Variants in LDLRAD3 observed in about 807,000 individuals in gnomAD.
The protein encoded by LDLRAD3 is low-density lipoprotein receptor class A domain-containing protein 3.
Under a neutral mutation model 29.4 loss-of-function variants are expected in LDLRAD3, and 20 were observed. That is an observed-to-expected ratio of 0.68 (90% CI 0.48 to 0.99). The LOEUF is 0.99. LDLRAD3 is among the 50% of genes least tolerant of loss of function. The pLI is 0.00. For missense variants in LDLRAD3, 420 were observed against 454.3 expected, an observed-to-expected ratio of 0.92 and a Z score of 0.69; for synonymous variants, 157 against 192.7, an observed-to-expected ratio of 0.81 and a Z score of 1.53.
rs543540872 is a variant in LDLRAD3, at chr11:35,963,090, G to A, written c.46+18946G>A. Among the ~76,000 whole-genome samples the A allele has an allele frequency of 1.3e-3, 192 of 152,298 alleles. 1 individual carries two copies. Among genetic ancestry groups the A allele is most frequent in the Admixed American group, 2.8e-3 (43 of 15,298 alleles). ...GGGAGGAAGGCCAGGCCACAAGGAC[G>A]ATGGATTTAAATGCCATTTTATTAA... On this transcript the variant is annotated intron_variant, in intron 1 of 5. Transcript: ENST00000315571.
intron 1 of LDLRAD3, among the ~76,000 whole-genome samples, chr11:35,958,953 C>T (rs894745357): frequency 6.6e-6 from 1 of 152,212 alleles, no homozygotes; most frequent in Non-Finnish European, 1.5e-5. Context: ...GCTCTGTGGT[C>T]ACTGGACCCT....
At chr11:36,005,155 C>T (rs1402119892) in intron 1 of LDLRAD3, among the ~76,000 whole-genome samples, 3 of 152,238 alleles carry the variant, frequency 2.0e-5, no homozygotes, top group Non-Finnish European at 4.4e-5. Context: ...GTTTTCTTTT[C>T]TACCACATGG....
intron 4 of LDLRAD3, among the ~76,000 whole-genome samples, chr11:36,105,087 A>T (rs1460795233): frequency 6.6e-6 from 1 of 152,080 alleles, no homozygotes; most frequent in African/African-American, 2.4e-5. Context: ...CAGTTTCTTT[A>T]TCTTGCTTGC....
At chr11:36,080,507 G>C (rs1853097248) in intron 2 of LDLRAD3, among the ~76,000 whole-genome samples, 1 of 152,172 alleles carries the variant, frequency 6.6e-6, no homozygotes, top group Non-Finnish European at 1.5e-5. Flanking sequence ...TCTGGAATCT[G>C]CATGCCGGGC....
intron 1 of LDLRAD3, chr11:36,010,038 G>C (rs1851935298): frequency 1.3e-5 from 2 of 154,364 alleles, no homozygotes; most frequent in Admixed American, 1.3e-4. Context: ...ATAAGGGACT[G>C]AAGAGTATAA....
At chr11:36,047,046 C>G (rs965549771) in intron 2 of LDLRAD3, among the ~76,000 whole-genome samples, 1 of 149,562 alleles carries the variant, frequency 6.7e-6, no homozygotes, top group Non-Finnish European at 1.5e-5. Context: ...TTTAGTAGCC[C>G]TGGGGCTGGA....
intron 1 of LDLRAD3, among the ~76,000 whole-genome samples, chr11:35,962,463 A>T (rs945041472): frequency 3.9e-5 from 6 of 152,164 alleles, no homozygotes. Context: ...TGGGGCCGTC[A>T]TCAGGACTAA....
intron 2 of LDLRAD3, among the ~76,000 whole-genome samples, chr11:36,061,313 A>G (rs1010821389): frequency 6.6e-6 from 1 of 151,770 alleles, no homozygotes; most frequent in Non-Finnish European, 1.5e-5. Context: ...TAATTTTTGT[A>G]TTTTTTTAGT....
At chr11:36,116,940 C>G (rs1327911920) in intron 4 of LDLRAD3, among the ~76,000 whole-genome samples, 1 of 151,258 alleles carries the variant, frequency 6.6e-6, no homozygotes, top group Non-Finnish European at 1.5e-5. Context: ...CTCCCGGGTT[C>G]AACCAATTCT....
Position 36,191,616 on chromosome 11 carries a change from A to ACG in LDLRAD3, c.455-35468_455-35467insGC, listed in dbSNP as rs778812809. The stretch of plus-strand genomic sequence containing the variant: ...TATATATATACACACACACACACAC[A>ACG]CACACACGCACGCACGCACGCACAA... On this transcript the variant is annotated intron_variant, in intron 4 of 5. Coordinates refer to ENST00000315571, the MANE Select transcript of LDLRAD3 (RefSeq NM_174902.4). 7.8e-4 allele frequency among the ~76,000 whole-genome samples: 81 copies of ACG among 103,336 alleles called. 2 individuals are homozygous for ACG. The highest frequency in any genetic ancestry group is 4.1e-3 in the East Asian group (14 of 3,432). 67.8% of individuals were successfully genotyped at this position (103,336 alleles called of 152,430 possible).
At chr11:36,195,627 A>G (rs1855021386) in intron 4 of LDLRAD3, among the ~76,000 whole-genome samples, 1 of 152,222 alleles carries the variant, frequency 6.6e-6, no homozygotes, top group South Asian at 2.1e-4. Flanking sequence ...AAGCCAGACT[A>G]AAGGGCTGCA....
intron 4 of LDLRAD3, among the ~76,000 whole-genome samples, chr11:36,105,939 G>A (rs1472724670): frequency 6.6e-6 from 1 of 152,168 alleles, no homozygotes; most frequent in East Asian, 1.9e-4. Flanking sequence ...CAGAAATATA[G>A]CCAAGAGGAT....
intron 1 of LDLRAD3, among the ~76,000 whole-genome samples, chr11:36,008,848 C>T (rs1851919212): frequency 1.3e-5 from 2 of 152,118 alleles, no homozygotes; most frequent in African/African-American, 4.8e-5. Context: ...GCTTGGATTT[C>T]GATTTCCACT....
rs544795844 is a variant in LDLRAD3 at position 35,944,553 on chromosome 11, C to A, written c.46+409C>A. Reference sequence around the variant, plus strand: ...GGTCTCATCTTCCCAGACGCCTGGTCGCGCGCGGCTGCGTTAGCCTCCTCT... The same window carrying A: ...GGTCTCATCTTCCCAGACGCCTGGTAGCGCGCGGCTGCGTTAGCCTCCTCT... On this transcript the variant is annotated intron_variant, in intron 1 of 5. Coordinates refer to ENST00000315571, the MANE Select transcript of LDLRAD3 (RefSeq NM_174902.4). This position sits in a 1 kb window ranked among gnomAD's most constrained non-coding sequence, Gnocchi z 4.9. Among the ~76,000 whole-genome samples, 1 of 152,246 alleles carries A rather than the reference C, an allele frequency of 6.6e-6. No homozygotes were observed. Among genetic ancestry groups the A allele is most frequent in the South Asian group, 2.1e-4 (1 of 4,820 alleles).
chr11:36,058,008 T>C (rs903231628), intron 2 of LDLRAD3, among the ~76,000 whole-genome samples: 1 of 152,246 alleles, frequency 6.6e-6, no homozygotes, highest in Non-Finnish European at 1.5e-5. Flanking sequence ...GCACTGGGGT[T>C]GATGCCCTCT....
chr11:36,059,583 G>C (rs1852668322), intron 2 of LDLRAD3, among the ~76,000 whole-genome samples: 1 of 152,084 alleles, frequency 6.6e-6, no homozygotes, highest in South Asian at 2.1e-4. Flanking sequence ...CTTTAGGTAT[G>C]TTCTTGAGAT....
intron 3 of LDLRAD3, among the ~76,000 whole-genome samples, chr11:36,090,014 T>G (rs1182053058): frequency 1.3e-5 from 2 of 152,104 alleles, no homozygotes; most frequent in Non-Finnish European, 2.9e-5. Flanking sequence ...GACAGAGACA[T>G]TATTTTTGTC....
intron 2 of LDLRAD3, among the ~76,000 whole-genome samples, chr11:36,067,903 A>C (rs912589102): frequency 4.6e-5 from 7 of 152,134 alleles, no homozygotes; most frequent in Non-Finnish European, 7.4e-5. Flanking sequence ...CTCTGAGTTC[A>C]AGCAATCCAC....
intron 4 of LDLRAD3, among the ~76,000 whole-genome samples, chr11:36,130,155 G>A (rs1206250144): frequency 6.6e-6 from 1 of 152,220 alleles, no homozygotes; most frequent in Admixed American, 6.5e-5. Flanking sequence ...GCAATTTCAA[G>A]TGTGATGATT....
Sources: gnomAD v4.1 joint callset for allele counts (sites outside exome capture counted in the v4.1 genomes callset) on GRCh38, gnomAD v4.1.1 for gene constraint, Gnocchi (gnomAD v3.1) non-coding constraint, MANE v1.5 for transcripts, NCBI Gene and HGNC (gene_info 2026-07-23, HGNC 2026-07-21) for gene names.